BASP1: variants seen among roughly 807,000 people sequenced by gnomAD.
BASP1 encodes brain acid soluble protein 1.
In BASP1, 1 loss-of-function variant was observed where a neutral mutation model predicts 2.2. The observed-to-expected ratio is 0.46, with a 90% CI of 0.16 to 2.17. BASP1 has a LOEUF of 2.17. Ranked by LOEUF, BASP1 falls within the 30% of genes most tolerant of loss-of-function variation. The pLI, the probability that BASP1 is intolerant of heterozygous loss-of-function variation, is 0.27. For missense variants in BASP1, 352 were observed against 327.2 expected, an observed-to-expected ratio of 1.08 and a Z score of -0.58; for synonymous variants, 187 against 154.2, an observed-to-expected ratio of 1.21 and a Z score of -1.58.
chr5:17,249,321 C>G (rs182240342), intron 1 of BASP1, among the ~76,000 whole-genome samples: 6 of 152,298 alleles, frequency 3.9e-5, no homozygotes, highest in African/African-American at 1.2e-4. Context: ...ATCTGCTCCT[C>G]TCTTGGGGAT....
Position 17,275,688 on chromosome 5 carries a change from G to A in BASP1, c.472G>A (p.Ala158Thr). ...PKKTEAPAAP[A>T]AQETKSDGAP... ...AAAGACTGAGGCGCCCGCAGCTCCT[G>A]CCGCCCAGGAGACCAAAAGTGACGG... The change falls in exon 2 of 2, where the codon GCC becomes ACC. Residue 158 changes from alanine to threonine, a missense_variant. Coordinates refer to ENST00000322611, the MANE Select transcript of BASP1 (RefSeq NM_006317.5). This position sits in a 1 kb window ranked among gnomAD's most constrained non-coding sequence, Gnocchi z 5.3. 1 of 1,587,910 alleles carries A rather than the reference G, an allele frequency of 6.3e-7. No homozygotes were observed. The highest frequency in any genetic ancestry group is 1.1e-5 in the South Asian group (1 of 88,654).
rs1268986048 is a variant in BASP1 at position 17,275,442 on chromosome 5, G to T, written c.226G>T (p.Ala76Ser). The change falls in exon 2 of 2, where the codon GCG becomes TCG. Residue 76 changes from alanine (A) to serine (S), a missense_variant. Transcript: ENST00000322611. This position sits in a 1 kb window ranked among gnomAD's most constrained non-coding sequence, Gnocchi z 5.3. ...GGAGAAGGAGGGCGAGAAGGACGCG[G>T]CGGCTGCCAAGGAGGAGGCCCCGAA... ...AEEKEGEKDA[A>S]AAKEEAPKAE... is the part of the protein sequence containing the mutation. 47 of 1,526,334 alleles carry T rather than the reference G, an allele frequency of 3.1e-5. No homozygotes were observed. Among genetic ancestry groups the T allele is most frequent in the Non-Finnish European group, 4.0e-5 (45 of 1,138,194 alleles). 94.5% of individuals were successfully genotyped at this position (1,526,334 alleles called of 1,614,324 possible). A position where few individuals can be genotyped will look rare whatever the true frequency, so the allele number is the denominator to read the frequency against.
upstream of BASP1, chr5:17,217,097 T>TGAGTGAGAGAGAGAGA (rs1739263653): frequency 2.2e-5 from 2 of 90,796 alleles, no homozygotes; most frequent in African/African-American, 1.1e-4. Context: ...AGAGAGAGAG[T>TGAGTGAGAGAGAGAGA]GAGTGAGAGA....
chr5:17,245,986 A>G (rs967556298), intron 1 of BASP1, among the ~76,000 whole-genome samples: 2 of 152,202 alleles, frequency 1.3e-5, no homozygotes, highest in African/African-American at 4.8e-5. Context: ...AAAAAAATCA[A>G]GAGAATTCCA....
intron 1 of BASP1, among the ~76,000 whole-genome samples, chr5:17,253,293 C>T (rs982650208): frequency 1.3e-5 from 2 of 152,184 alleles, no homozygotes; most frequent in Admixed American, 1.3e-4. Flanking sequence ...TCACTACAGC[C>T]TCACCCTACT....
In BASP1 at chr5:17,228,141, T is replaced by C. The variant is rs373120236; in HGVS notation, c.-10+10331T>C. Among the ~76,000 whole-genome samples, 9 of 152,364 alleles carry C rather than the reference T, an allele frequency of 5.9e-5. No homozygotes were observed. The East Asian group carries it at 1.3e-3, about 23-fold the overall frequency. ...CATTGAAGGTTTGGTTATCCTTTCATTGGTAGAAGAGACAAAAACAGGACA... is the reference window on the plus strand; with the variant it reads ...CATTGAAGGTTTGGTTATCCTTTCACTGGTAGAAGAGACAAAAACAGGACA... On this transcript the variant is annotated intron_variant, in intron 1 of 1. Coordinates refer to ENST00000322611, the MANE Select transcript of BASP1 (RefSeq NM_006317.5).
At chr5:17,216,835 T>C (rs938391854), upstream of BASP1, 1 of 152,508 alleles carries the variant, frequency 6.6e-6, no homozygotes, top group Non-Finnish European at 1.5e-5. The surrounding 1 kb of genome is among the most constrained non-coding windows in gnomAD (Gnocchi z 6.4). Flanking sequence ...GCAACTCGTT[T>C]GCAGCGGCGC....
At chr5:17,220,155 G>A (rs1216025094) in intron 1 of BASP1, among the ~76,000 whole-genome samples, 1 of 152,168 alleles carries the variant, frequency 6.6e-6, no homozygotes, top group African/African-American at 2.4e-5. Context: ...ACGCGTGGCA[G>A]CAATGGAAAT....
intron 1 of BASP1, among the ~76,000 whole-genome samples, chr5:17,242,499 C>T (rs966343677): frequency 3.3e-5 from 5 of 151,908 alleles, no homozygotes; most frequent in Non-Finnish European, 7.4e-5. Context: ...ACATCATTGT[C>T]ACCCAAAGTC....
intron 1 of BASP1, among the ~76,000 whole-genome samples, chr5:17,234,466 G>T (rs1341835463): frequency 6.6e-6 from 1 of 152,194 alleles, no homozygotes; most frequent in East Asian, 1.9e-4. Flanking sequence ...AGTGGCATTT[G>T]TTCATGTAGT....
In BASP1 at chr5:17,276,709, C is replaced by T. The variant is rs1484166346; in HGVS notation, c.*809C>T. The T allele has an allele frequency of 2.1e-5, 3 of 142,428 alleles. No homozygotes were observed. Among genetic ancestry groups the T allele is most frequent in the African/African-American group, 8.7e-5 (3 of 34,574 alleles). 8.8% of individuals were successfully genotyped at this position (142,428 alleles called of 1,614,324 possible). A position where few individuals can be genotyped will look rare whatever the true frequency, so the allele number is the denominator to read the frequency against. On this transcript the variant is annotated 3_prime_UTR_variant, in exon 2 of 2. Coordinates refer to ENST00000322611, the MANE Select transcript of BASP1 (RefSeq NM_006317.5). Reference sequence around the variant, plus strand: ...CCATTCTGTGTCACAGACACCAACACACCACTCATTGGAAAATGGAAAAAA... The same window carrying T: ...CCATTCTGTGTCACAGACACCAACATACCACTCATTGGAAAATGGAAAAAA...
intron 1 of BASP1, among the ~76,000 whole-genome samples, chr5:17,228,531 T>C (rs569214981): frequency 5.3e-5 from 8 of 152,378 alleles, no homozygotes; most frequent in African/African-American, 1.9e-4. Context: ...ACAAGCTTCA[T>C]ATCTCTCCAC....
rs1740605709 is a variant in BASP1, at chr5:17,275,134, C to CA, written c.-9-70dup. The CA allele has an allele frequency of 1.3e-6, 2 of 1,500,768 alleles. No individual in the cohort carries two copies. The highest frequency in any genetic ancestry group is 1.8e-6 in the Non-Finnish European group (2 of 1,096,180). 93.0% of individuals were successfully genotyped at this position (1,500,768 alleles called of 1,614,324 possible). ...AGCAGGCCCAGAACCCCTTGCTTTG[C>CA]AAAATGCAGCTTTTTGTGGTCCCCA... On this transcript the variant is annotated intron_variant, in intron 1 of 1. Coordinates refer to ENST00000322611, the MANE Select transcript of BASP1 (RefSeq NM_006317.5). The surrounding 1 kb of genome is among the most constrained non-coding windows in gnomAD (Gnocchi z 5.3).
At chr5:17,262,732 T>A (rs1407510174) in intron 1 of BASP1, among the ~76,000 whole-genome samples, 2 of 152,232 alleles carry the variant, frequency 1.3e-5, no homozygotes, top group African/African-American at 4.8e-5. Flanking sequence ...CTTACTCTCA[T>A]TTATATTTTA....
chr5:17,251,509 A>G lies in BASP1; in HGVS notation c.-9-23699A>G, dbSNP rs1740101759. Reference sequence around the variant, plus strand: ...CTTCCACAGTGTTGGTTTCTGTGGAAGGGTCCAAACAGCGGCTGGAGCTCC... The same window carrying G: ...CTTCCACAGTGTTGGTTTCTGTGGAGGGGTCCAAACAGCGGCTGGAGCTCC... On this transcript the variant is annotated intron_variant, in intron 1 of 1. Transcript: ENST00000322611. The surrounding 1 kb of genome is among the most constrained non-coding windows in gnomAD (Gnocchi z 4.0). Among the ~76,000 whole-genome samples, 1 of 152,222 alleles carries G rather than the reference A, an allele frequency of 6.6e-6. No homozygotes were observed. Among genetic ancestry groups the G allele is most frequent in the Non-Finnish European group, 1.5e-5 (1 of 68,036 alleles).
intron 1 of BASP1, among the ~76,000 whole-genome samples, chr5:17,237,747 AC>A (rs890516629): frequency 1.5e-4 from 22 of 151,454 alleles, no homozygotes; most frequent in African/African-American, 4.9e-4. Context: ...AGTAGCTGGG[AC>A]TACAGGCATG....
In BASP1 at chr5:17,275,971, ATCTC is replaced by A. The variant is rs962964821; in HGVS notation, c.*79_*82del. 674 of 812,862 alleles carry A rather than the reference ATCTC, an allele frequency of 8.3e-4. No individual in the cohort carries two copies. Among genetic ancestry groups the A allele is most frequent in the Non-Finnish European group, 1.0e-3 (598 of 585,718 alleles). The allele number at this position is 812,862 out of a possible 1,614,324, so 50.4% of individuals were successfully genotyped here. A position where few individuals can be genotyped will look rare whatever the true frequency, so the allele number is the denominator to read the frequency against. ...TCTCTCTCTCTCTCTCTCTCTCTCT[ATCTC>A]TCTCTCTATCTCCTCTCTCTCTCTC... On this transcript the variant is annotated 3_prime_UTR_variant, in exon 2 of 2. Coordinates refer to ENST00000322611, the MANE Select transcript of BASP1 (RefSeq NM_006317.5). The surrounding 1 kb of genome is among the most constrained non-coding windows in gnomAD (Gnocchi z 5.3).
intron 1 of BASP1, among the ~76,000 whole-genome samples, chr5:17,240,129 T>A (rs1208788820): frequency 8.8e-6 from 1 of 113,502 alleles, no homozygotes; most frequent in African/African-American, 3.1e-5. Flanking sequence ...AAAATAAAAA[T>A]AAAGATAAAT....
intron 1 of BASP1, among the ~76,000 whole-genome samples, chr5:17,222,117 T>C (rs1739403895): frequency 6.6e-6 from 1 of 152,068 alleles, no homozygotes; most frequent in African/African-American, 2.4e-5. Flanking sequence ...TCCAGCTTGA[T>C]TAATGAAGCC....
Sources: allele counts gnomAD v4.1 joint callset (sites outside exome capture counted in the v4.1 genomes callset), GRCh38; gene constraint gnomAD v4.1.1; non-coding constraint Gnocchi (gnomAD v3.1); transcripts MANE v1.5; gene names NCBI Gene and HGNC (gene_info 2026-07-23, HGNC 2026-07-21).